The following ZNF503 variants were observed in gnomAD, a reference collection of about 807,000 sequenced individuals.
The protein encoded by ZNF503 is NocA-like zinc finger 2.
ZNF503 carries 15 observed loss-of-function variants against 34.4 expected under a neutral mutation model. That is an observed-to-expected ratio of 0.44 (90% CI 0.29 to 0.67). The LOEUF (loss-of-function observed/expected upper bound fraction) is 0.67, where lower values mean the gene tolerates loss of function less well. ZNF503 is among the 30% of genes least tolerant of loss of function. The pLI is 0.13. For synonymous variants in ZNF503, 580 were observed against 456.8 expected, an observed-to-expected ratio of 1.27 and a Z score of -3.44; for missense variants, 1,007 against 926.8, an observed-to-expected ratio of 1.09 and a Z score of -1.12.
At chr10:75,315,786 C>G in the ZNF503 span, among the ~76,000 whole-genome samples, 1 of 152,132 alleles carries the variant, frequency 6.6e-6, no homozygotes, top group Admixed American at 6.6e-5. Context: ...AATCAAAAGA[C>G]ATAGAGGAAC....
the ZNF503 span, among the ~76,000 whole-genome samples, chr10:75,379,770 C>G: frequency 6.6e-6 from 1 of 152,192 alleles, no homozygotes; most frequent in Non-Finnish European, 1.5e-5. Context: ...GTTTTTGTTG[C>G]AGGTATGATT....
chr10:75,361,689 C>T, the ZNF503 span: 1 of 152,284 alleles, frequency 6.6e-6, no homozygotes, highest in South Asian at 2.1e-4. Context: ...AATTTCTTTT[C>T]AGATGTGTGT....
the ZNF503 span, among the ~76,000 whole-genome samples, chr10:75,289,495 G>A: frequency 5.3e-5 from 8 of 152,110 alleles, no homozygotes; most frequent in African/African-American, 1.4e-4. Flanking sequence ...CGAAGACTGG[G>A]GCTGGAATCT....
the ZNF503 span, among the ~76,000 whole-genome samples, chr10:75,328,044 C>G: frequency 6.6e-6 from 1 of 152,228 alleles, no homozygotes; most frequent in East Asian, 1.9e-4. Flanking sequence ...TACAATTCTT[C>G]AAGTTGTCTC....
the ZNF503 span, among the ~76,000 whole-genome samples, chr10:75,355,391 G>A: frequency 6.6e-6 from 1 of 152,108 alleles, no homozygotes; most frequent in African/African-American, 2.4e-5. Flanking sequence ...CTTGCATCAA[G>A]CTTGCCACTT....
the ZNF503 span, among the ~76,000 whole-genome samples, chr10:75,284,748 T>C: frequency 6.6e-6 from 1 of 152,232 alleles, no homozygotes; most frequent in South Asian, 2.1e-4. Flanking sequence ...ATGGGTGTGG[T>C]TAACTAAGGG....
the ZNF503 span, among the ~76,000 whole-genome samples, chr10:75,369,561 G>A: frequency 1.3e-5 from 2 of 152,204 alleles, no homozygotes; most frequent in Non-Finnish European, 1.5e-5. Context: ...CCCCAGCCAT[G>A]TGGAACTGTA....
In ZNF503 at chr10:75,398,650, A is replaced by C. The variant is rs950855924; in HGVS notation, c.*99T>G. The C allele has an allele frequency of 6.2e-6, 7 of 1,127,170 alleles. No individual in the cohort carries two copies. The highest frequency in any genetic ancestry group is 8.0e-6 in the Non-Finnish European group (7 of 878,146). The allele number at this position is 1,127,170 out of a possible 1,614,324, so 69.8% of individuals were successfully genotyped here. A position where few individuals can be genotyped will look rare whatever the true frequency, so the allele number is the denominator to read the frequency against. On this transcript the variant is annotated 3_prime_UTR_variant, in exon 2 of 2. Coordinates refer to ENST00000372524, the MANE Select transcript of ZNF503 (RefSeq NM_032772.6). ...TCCTTTCGTGGCCCGAGTCCTCCCC[A>C]CGCGCGGGTGTCAGCAGCCTGGGCC...
the ZNF503 span, among the ~76,000 whole-genome samples, chr10:75,281,074 G>C: frequency 6.6e-6 from 1 of 152,150 alleles, no homozygotes; most frequent in Non-Finnish European, 1.5e-5. Flanking sequence ...TTATCATCCA[G>C]ACTAGAATGC....
chr10:75,286,727 T>C, the ZNF503 span, among the ~76,000 whole-genome samples: 5 of 152,186 alleles, frequency 3.3e-5, no homozygotes, highest in Non-Finnish European at 7.4e-5. Flanking sequence ...TTCCTTGTAT[T>C]GTCTCTTCTT....
the ZNF503 span, among the ~76,000 whole-genome samples, chr10:75,291,986 G>A: frequency 6.6e-6 from 1 of 152,174 alleles, no homozygotes; most frequent in Non-Finnish European, 1.5e-5. Context: ...TCTTGCTTGG[G>A]GATGGGCACA....
the ZNF503 span, among the ~76,000 whole-genome samples, chr10:75,331,394 G>A: frequency 7.9e-5 from 12 of 152,306 alleles, no homozygotes; most frequent in East Asian, 5.8e-4. Flanking sequence ...TGCTAAGTGC[G>A]GGATGTTGAA....
At chr10:75,313,109 C>T in the ZNF503 span, among the ~76,000 whole-genome samples, 2 of 152,124 alleles carry the variant, frequency 1.3e-5, no homozygotes, top group East Asian at 1.9e-4. Context: ...TACCCAGCCT[C>T]GGGTATGTCT....
chr10:75,337,721 C>T, the ZNF503 span, among the ~76,000 whole-genome samples: 3 of 152,136 alleles, frequency 2.0e-5, no homozygotes, highest in Non-Finnish European at 4.4e-5. Context: ...TTGCCAACCA[C>T]AGGACTGATG....
chr10:75,318,882 TCTTC>T, the ZNF503 span, among the ~76,000 whole-genome samples: 2 of 151,550 alleles, frequency 1.3e-5, no homozygotes, highest in African/African-American at 4.9e-5. Context: ...TTCCTCCCTT[TCTTC>T]CTTCCTTCTT....
At chr10:75,385,817 C>G in the ZNF503 span, among the ~76,000 whole-genome samples, 2 of 152,128 alleles carry the variant, frequency 1.3e-5, no homozygotes, top group African/African-American at 4.8e-5. Context: ...CTTCATAAAC[C>G]TTCCTCATAA....
chr10:75,392,546 G>T, the ZNF503 span, among the ~76,000 whole-genome samples: 1 of 152,184 alleles, frequency 6.6e-6, no homozygotes, highest in Non-Finnish European at 1.5e-5. Context: ...AGTGTATGAT[G>T]GGTGCCATCC....
chr10:75,341,355 A>G, the ZNF503 span, among the ~76,000 whole-genome samples: 5 of 152,224 alleles, frequency 3.3e-5, no homozygotes, highest in African/African-American at 1.2e-4. Context: ...AATAGTATGC[A>G]CCCATAGGAA....
the ZNF503 span, among the ~76,000 whole-genome samples, chr10:75,354,668 C>A: frequency 1.3e-5 from 2 of 152,090 alleles, no homozygotes; most frequent in Non-Finnish European, 2.9e-5. Flanking sequence ...TATGATCATG[C>A]CAGTGCACTC....
Sources: gnomAD v4.1 joint callset for allele counts (sites outside exome capture counted in the v4.1 genomes callset) on GRCh38, gnomAD v4.1.1 for gene constraint, MANE v1.5 for transcripts, NCBI Gene and HGNC (gene_info 2026-07-23, HGNC 2026-07-21) for gene names.